ROBO3: variants seen among roughly 807,000 people sequenced by gnomAD.
ROBO3 encodes roundabout homolog 3.
In ROBO3, 97 loss-of-function variants were observed where a neutral mutation model predicts 160.5. The observed-to-expected ratio is 0.60, with a 90% CI of 0.51 to 0.72. The LOEUF is 0.72. Ranked by LOEUF, ROBO3 falls within the 30% of genes least tolerant of loss-of-function variation. The probability of loss-of-function intolerance (pLI) is 0.00; values close to 1 mark genes in which losing one functional copy is unlikely to be tolerated. For synonymous variants in ROBO3, 780 were observed against 746.2 expected (o/e 1.05, Z -0.74); for missense variants, 1,858 against 1,846.5 (o/e 1.01, Z -0.11).
At position 124,878,762 on chromosome 11, in the gene ROBO3, C is replaced by T. The variant is rs1447768606; in HGVS notation, c.3499C>T (p.Pro1167Ser). 6.2e-7 allele frequency: 1 copy of T among 1,613,698 alleles called. No individual in the cohort carries two copies. Among genetic ancestry groups the T allele is most frequent in the South Asian group, 1.1e-5 (1 of 91,086 alleles). Reference sequence around the variant, plus strand: ...CTCACCTCCTGACCCTCCCCAGCCCCCAACTGACATGCCCCATCTCCATCA... The same window carrying T: ...CTCACCTCCTGACCCTCCCCAGCCCTCAACTGACATGCCCCATCTCCATCA... ...TPSPPDPPQP[P>S]TDMPHLHQMP... The change falls in exon 23 of 28, where the codon CCA becomes TCA. Residue 1167 changes from proline (P) to serine (S), a missense_variant. Transcript: ENST00000397801. This position sits in a 1 kb window ranked among gnomAD's most constrained non-coding sequence, Gnocchi z 4.3.
At position 124,865,561 on chromosome 11, in the gene ROBO3, C is replaced by A. The variant is rs1314920528; in HGVS notation, c.-17C>A. 13 of 1,609,264 alleles carry A rather than the reference C, an allele frequency of 8.1e-6. No individual in the cohort carries two copies. Among genetic ancestry groups the A allele is most frequent in the African/African-American group, 1.3e-5 (1 of 74,826 alleles). Reference sequence around the variant, plus strand: ...TGGGCCCCCAGCCCCCAGTCCCGATCCCAGCTGGGTCGAGCCATGCTGCGC... The same window carrying A: ...TGGGCCCCCAGCCCCCAGTCCCGATACCAGCTGGGTCGAGCCATGCTGCGC... On this transcript the variant is annotated 5_prime_UTR_variant, in exon 1 of 28. Coordinates refer to ENST00000397801, the MANE Select transcript of ROBO3 (RefSeq NM_022370.4). The surrounding 1 kb of genome is among the most constrained non-coding windows in gnomAD (Gnocchi z 5.5).
rs1946480480 is a variant in ROBO3, at chr11:124,878,898, G to A, written c.3533+102G>A. ...TGGATGGATGGGTGGATGGATCTGG[G>A]GTACAGAGGTCTCAGGGCTGTGTCA... is the stretch of plus-strand genomic sequence containing the variant. On this transcript the variant is annotated intron_variant, in intron 23 of 27. Transcript: ENST00000397801. This position sits in a 1 kb window ranked among gnomAD's most constrained non-coding sequence, Gnocchi z 4.3. 1 of 1,034,816 alleles carries A rather than the reference G, an allele frequency of 9.7e-7. No individual in the cohort carries two copies. Among genetic ancestry groups the A allele is most frequent in the South Asian group, 1.5e-5 (1 of 66,212 alleles). The allele number at this position is 1,034,816 out of a possible 1,614,324, so 64.1% of individuals were successfully genotyped here.
At chr11:124,874,939 G>A (rs1330226196) in intron 13 of ROBO3, 30 bp downstream of exon 13, 1 of 1,595,284 alleles carries the variant, frequency 6.3e-7, no homozygotes, top group East Asian at 2.3e-5. Context: ...GAGATTCAGG[G>A]TGGGGATGAT....
chr11:124,876,308 T>C lies in ROBO3; in HGVS notation c.2627T>C (p.Val876Ala). The C allele has an allele frequency of 6.9e-7, 1 of 1,450,186 alleles. No individual in the cohort carries two copies. Among genetic ancestry groups the C allele is most frequent in the South Asian group, 1.5e-5 (1 of 67,226 alleles). The allele number at this position is 1,450,186 out of a possible 1,614,324, so 89.8% of individuals were successfully genotyped here. ...SPPDLEPGLE[V>A]GAGLAVRLAR... is the part of the protein sequence containing the mutation. ...CCGGACCTGGAGCCCGGGCTGGAGG[T>C]GGGCGCGGGGCTGGCGGTGCGGCTG... The change falls in exon 17 of 28, where the codon GTG becomes GCG. Residue 876 changes from valine (V) to alanine (A), a missense_variant. Coordinates refer to ENST00000397801, the MANE Select transcript of ROBO3 (RefSeq NM_022370.4). The surrounding 1 kb of genome is among the most constrained non-coding windows in gnomAD (Gnocchi z 5.3).
rs1181959263 is a variant in ROBO3 at position 124,876,493 on chromosome 11, G to A, written c.2779+33G>A. On this transcript the variant is annotated intron_variant, in intron 17 of 27. Coordinates refer to ENST00000397801, the MANE Select transcript of ROBO3 (RefSeq NM_022370.4). The surrounding 1 kb of genome is among the most constrained non-coding windows in gnomAD (Gnocchi z 5.3). ...CCCGGCCTCGGAGCGGACGGATCCG[G>A]GAGGGAGCCAGGCGGCCCATGGGGA... 11 of 1,357,738 alleles carry A rather than the reference G, an allele frequency of 8.1e-6. No individual in the cohort carries two copies. The highest frequency in any genetic ancestry group is 1.0e-5 in the Non-Finnish European group (11 of 1,060,426). 84.1% of individuals were successfully genotyped at this position (1,357,738 alleles called of 1,614,324 possible). A position where few individuals can be genotyped will look rare whatever the true frequency, so the allele number is the denominator to read the frequency against.
Position 124,874,890 on chromosome 11 carries a change from C to A in ROBO3, c.2054C>A (p.Thr685Asn). The change falls in exon 13 of 28, where the codon ACC becomes AAC. Residue 685 changes from threonine (T) to asparagine (N), a missense_variant. Coordinates refer to ENST00000397801, the MANE Select transcript of ROBO3 (RefSeq NM_022370.4). ...LQEPIVLGPR[T>N]LQVSWTVDGP... ...GAGCCCATAGTCCTGGGACCCCGGA[C>A]CCTGCAGGTGTCCTGGACTGTGAGT... 1 of 1,603,692 alleles carries A rather than the reference C, an allele frequency of 6.2e-7. No homozygotes were observed. The highest frequency in any genetic ancestry group is 8.5e-7 in the Non-Finnish European group (1 of 1,175,330).
chr11:124,871,493 C>T (rs1217065726), intron 7 of ROBO3, among the ~76,000 whole-genome samples: 1 of 152,204 alleles, frequency 6.6e-6, no homozygotes, highest in African/African-American at 2.4e-5. Flanking sequence ...ACATAACACA[C>T]TGCTCTGGAA....
In ROBO3 at chr11:124,873,151, C is replaced by G. The variant is rs879660354; in HGVS notation, c.1536+62C>G. 6.6e-7 allele frequency: 1 copy of G among 1,525,464 alleles called. No individual in the cohort carries two copies. Among genetic ancestry groups the G allele is most frequent in the East Asian group, 2.3e-5 (1 of 44,358 alleles). The allele number at this position is 1,525,464 out of a possible 1,614,324, so 94.5% of individuals were successfully genotyped here. A position where few individuals can be genotyped will look rare whatever the true frequency, so the allele number is the denominator to read the frequency against. On this transcript the variant is annotated intron_variant, in intron 9 of 27. Transcript: ENST00000397801. This position sits in a 1 kb window ranked among gnomAD's most constrained non-coding sequence, Gnocchi z 4.5. ...GGCTATCTGCTCCACGTTCCTTACA[C>G]AAGTAAGTACTCACTGGGCCTGTAG...
chr11:124,877,758 T>C (rs1436454763), intron 20 of ROBO3, 100 bp downstream of exon 20: 2 of 1,486,040 alleles, frequency 1.3e-6, no homozygotes, highest in South Asian at 2.4e-5. Context: ...CTGAGGTTGG[T>C]CAGTCCCTGG....
At chr11:124,871,550 C>G (rs1946280201) in intron 7 of ROBO3, among the ~76,000 whole-genome samples, 2 of 152,196 alleles carry the variant, frequency 1.3e-5, no homozygotes, top group African/African-American at 2.4e-5. Context: ...ACTCGCTCTT[C>G]TATTTATAAG....
At chr11:124,868,637 A>G (rs1946235047) in intron 1 of ROBO3, 165 bp from the exon 2 acceptor site, 1 of 758,292 alleles carries the variant, frequency 1.3e-6, no homozygotes, top group Non-Finnish European at 2.3e-6. Flanking sequence ...TCTGCCAATA[A>G]GGACATATTG....
chr11:124,875,014 G>A, intron 13 of ROBO3, 97 bp from the exon 14 acceptor site: 1 of 1,517,738 alleles, frequency 6.6e-7, no homozygotes, highest in Non-Finnish European at 8.9e-7. Flanking sequence ...GCTGGGGAAG[G>A]CGGCATGAGT....
chr11:124,875,690 A>C lies in ROBO3; in HGVS notation c.2421+5A>C. 2 of 1,600,676 alleles carry C rather than the reference A, an allele frequency of 1.2e-6. No individual in the cohort carries two copies. The highest frequency in any genetic ancestry group is 1.7e-6 in the Non-Finnish European group (2 of 1,173,574). ...GGGGTCATCACGGAATACCAGGTAG[A>C]GGGATTGAGGAGGGACTGGATGGGA... is the stretch of plus-strand genomic sequence containing the variant. On this transcript the variant is annotated splice_donor_5th_base_variant and intron_variant, in intron 15 of 27. Coordinates refer to ENST00000397801, the MANE Select transcript of ROBO3 (RefSeq NM_022370.4).
In ROBO3 at chr11:124,873,708, G is replaced by T; in HGVS notation, c.1630G>T (p.Val544Leu). 6.2e-7 allele frequency: 1 copy of T among 1,612,092 alleles called. No individual in the cohort carries two copies. The highest frequency in any genetic ancestry group is 8.5e-7 in the Non-Finnish European group (1 of 1,179,016). Residue 544 changes from valine to leucine, a missense_variant, in exon 11 of 28, where the codon GTA (valine) becomes TTA (leucine). Physicochemically the swap from Val to Leu is conservative, Grantham distance 32 (BLOSUM62 1). Transcript: ENST00000397801. The surrounding 1 kb of genome is among the most constrained non-coding windows in gnomAD (Gnocchi z 4.5). Reference protein sequence around the residue: ...GWLKMREDWGVSPDPPTEPSS... With the variant: ...GWLKMREDWGLSPDPPTEPSS... ...ATCTCCCACTGCAGAAGACTGGGGA[G>T]TATCACCAGACCCCCCTACAGAACC... is the stretch of plus-strand genomic sequence containing the variant.
At position 124,870,074 on chromosome 11, in the gene ROBO3, C is replaced by T. The variant is rs781330886; in HGVS notation, c.766+6C>T. 8 of 1,613,942 alleles carry T rather than the reference C, an allele frequency of 5.0e-6. No individual in the cohort carries two copies. Among genetic ancestry groups the T allele is most frequent in the African/African-American group, 1.3e-5 (1 of 75,032 alleles). ...AGCTGAAGTCATGGTACTGGGTAGGCACAGGGAATTTTGACATTATGGGAA... is the reference window on the plus strand; with the variant it reads ...AGCTGAAGTCATGGTACTGGGTAGGTACAGGGAATTTTGACATTATGGGAA... On this transcript the variant is annotated splice_donor_region_variant and intron_variant, in intron 4 of 27. Transcript: ENST00000397801.
At position 124,876,125 on chromosome 11, in the gene ROBO3, C is replaced by A; in HGVS notation, c.2593C>A (p.Pro865Thr). ...VPSAPVLVQL[P>T]SPPDLEPGLE... ...CAGTGCCCCAGTGCTGGTGCAGCTGCGTGAGTCCACCCGAGGGCAGTGCTG... is the reference window on the plus strand; with the variant it reads ...CAGTGCCCCAGTGCTGGTGCAGCTGAGTGAGTCCACCCGAGGGCAGTGCTG... The change falls in exon 16 of 28, where the codon CCG becomes ACG. Residue 865 changes from proline (P) to threonine (T), a missense_variant and splice_region_variant. Coordinates refer to ENST00000397801, the MANE Select transcript of ROBO3 (RefSeq NM_022370.4). The surrounding 1 kb of genome is among the most constrained non-coding windows in gnomAD (Gnocchi z 5.3). 6.3e-7 allele frequency: 1 copy of A among 1,598,044 alleles called. No homozygotes were observed. The highest frequency in any genetic ancestry group is 8.5e-7 in the Non-Finnish European group (1 of 1,175,506).
chr11:124,871,758 G>C (rs1002568328), intron 7 of ROBO3, among the ~76,000 whole-genome samples: 1 of 152,170 alleles, frequency 6.6e-6, no homozygotes, highest in African/African-American at 2.4e-5. Flanking sequence ...CCACTCTGTT[G>C]GAAAACAAGG....
At chr11:124,880,652 G>A (rs1378873872) in intron 27 of ROBO3, 44 bp downstream of exon 27, 5 of 1,481,702 alleles carry the variant, frequency 3.4e-6, no homozygotes, top group African/African-American at 1.4e-5. Flanking sequence ...GAGGACTAGG[G>A]AAGGGTGGAC....
In ROBO3 at chr11:124,876,420, C is replaced by T; in HGVS notation, c.2739C>T (p.Tyr913=). The change falls in exon 17 of 28, where the codon TAC becomes TAT. Residue 913 remains tyrosine, a synonymous_variant. Transcript: ENST00000397801. The surrounding 1 kb of genome is among the most constrained non-coding windows in gnomAD (Gnocchi z 5.3). ...ALLLGLCAAL[Y]WRRKQRKELS... Reference sequence around the variant, plus strand: ...TTCTCGGGCTCTGCGCCGCCCTCTACTGGCGCCGGAAACAGCGCAAAGAGC... The same window carrying T: ...TTCTCGGGCTCTGCGCCGCCCTCTATTGGCGCCGGAAACAGCGCAAAGAGC... 1.4e-6 allele frequency: 2 copies of T among 1,448,960 alleles called. No homozygotes were observed. The highest frequency in any genetic ancestry group is 1.8e-6 in the Non-Finnish European group (2 of 1,106,976). 89.8% of individuals were successfully genotyped at this position (1,448,960 alleles called of 1,614,324 possible).
Sources: gnomAD v4.1 joint callset for allele counts (sites outside exome capture counted in the v4.1 genomes callset) on GRCh38, gnomAD v4.1.1 for gene constraint, Gnocchi (gnomAD v3.1) non-coding constraint, MANE v1.5 for transcripts, NCBI Gene and HGNC (gene_info 2026-07-23, HGNC 2026-07-21) for gene names.